Variants in AHCYL2 observed in about 807,000 individuals in gnomAD.
AHCYL2 encodes S-adenosylhomocysteine hydrolase-like protein 2.
AHCYL2 carries 28 observed loss-of-function variants against 81.4 expected under a neutral mutation model. That is an observed-to-expected ratio of 0.34 (90% CI 0.25 to 0.47). The LOEUF (loss-of-function observed/expected upper bound fraction) is 0.47, where lower values mean the gene tolerates loss of function less well. AHCYL2 is among the 20% of genes least tolerant of loss of function. AHCYL2 has a pLI of 1.00. For synonymous variants in AHCYL2, 272 were observed against 290.2 expected (o/e 0.94, Z 0.64); for missense variants, 551 against 785.1 (o/e 0.70, Z 3.56).
chr7:129,403,731 G>A (rs1291737108), intron 7 of AHCYL2, among the ~76,000 whole-genome samples: 2 of 151,634 alleles, frequency 1.3e-5, no homozygotes, highest in African/African-American at 4.8e-5. Context: ...TGGTGTGGTG[G>A]GCGCCTGTGG....
At chr7:129,278,557 A>G (rs1183747102) in intron 1 of AHCYL2, among the ~76,000 whole-genome samples, 1 of 151,964 alleles carries the variant, frequency 6.6e-6, no homozygotes, top group Non-Finnish European at 1.5e-5. Context: ...AAATCTTTGT[A>G]TTTTCATGAA....
intron 1 of AHCYL2, among the ~76,000 whole-genome samples, chr7:129,338,549 T>C (rs549265304): frequency 2.6e-5 from 4 of 152,360 alleles, no homozygotes; most frequent in Admixed American, 2.0e-4. Context: ...GAGTAGCTGT[T>C]TCCTGCAACT....
chr7:129,408,897 T>C (rs1796430551), intron 10 of AHCYL2, among the ~76,000 whole-genome samples: 1 of 152,056 alleles, frequency 6.6e-6, no homozygotes, highest in Admixed American at 6.6e-5. Context: ...TTTAATGTAG[T>C]AGAAGAAATC....
chr7:129,321,766 G>GTTTTTGTTTTTTTTTTTT (rs1315391980), intron 1 of AHCYL2, among the ~76,000 whole-genome samples: 1 of 107,486 alleles, frequency 9.3e-6, no homozygotes, highest in Non-Finnish European at 1.8e-5. Context: ...TTTTTTTTTG[G>GTTTTTGTTTTTTTTTTTT]TCTTGGTTTT....
chr7:129,391,038 TTAAAA>T (rs1273094128), intron 4 of AHCYL2, among the ~76,000 whole-genome samples: 3 of 152,188 alleles, frequency 2.0e-5, no homozygotes, highest in Non-Finnish European at 4.4e-5. Flanking sequence ...AGTACAATAC[TTAAAA>T]TAATGTGTAT....
intron 1 of AHCYL2, among the ~76,000 whole-genome samples, chr7:129,319,646 G>T (rs190846225): frequency 1.6e-4 from 24 of 152,280 alleles, no homozygotes; most frequent in Admixed American, 1.1e-3. Flanking sequence ...TACCACAATA[G>T]ATTTGTTTGC....
chr7:129,225,465 G>T, intron 1 of AHCYL2, 26 bp downstream of exon 1: 1 of 1,483,266 alleles, frequency 6.7e-7, no homozygotes, highest in South Asian at 1.3e-5. Context: ...TGCCTCTCTA[G>T]GAGAGGAAGG....
intron 1 of AHCYL2, among the ~76,000 whole-genome samples, chr7:129,316,415 C>A (rs2402945): frequency 0.24 from 36,875 of 151,960 alleles, 4,548 homozygotes; most frequent in South Asian, 0.37. Context: ...AAGGGCAGGG[C>A]AAATTTATAC....
chr7:129,404,602 G>A (rs574057575), intron 7 of AHCYL2, among the ~76,000 whole-genome samples: 2 of 152,316 alleles, frequency 1.3e-5, no homozygotes, highest in South Asian at 2.1e-4. Flanking sequence ...TTGAACCCTG[G>A]AGGCAGAGGT....
At chr7:129,310,891 CT>C (rs1797632827) in intron 1 of AHCYL2, among the ~76,000 whole-genome samples, 1 of 151,982 alleles carries the variant, frequency 6.6e-6, no homozygotes, top group Non-Finnish European at 1.5e-5. Context: ...GGGCATATCA[CT>C]TTGAGCTCAG....
In AHCYL2 at chr7:129,426,213, C is replaced by G. The variant is rs1335048669; in HGVS notation, c.1709-230C>G. On this transcript the variant is annotated intron_variant, in intron 15 of 16. Coordinates refer to ENST00000325006, the MANE Select transcript of AHCYL2 (RefSeq NM_015328.4). This position sits in a 1 kb window ranked among gnomAD's most constrained non-coding sequence, Gnocchi z 4.3. ...CTGCACTTTTCTGGAAGGCAGGGTT[C>G]AAAGCTGAGTTAGTAAGGATGAATT... is the stretch of plus-strand genomic sequence containing the variant. 1.3e-5 allele frequency among the ~76,000 whole-genome samples: 2 copies of G among 152,182 alleles called. No individual in the cohort carries two copies. Among genetic ancestry groups the G allele is most frequent in the Non-Finnish European group, 2.9e-5 (2 of 68,042 alleles).
At chr7:129,399,704 T>G (rs2150926074) in intron 5 of AHCYL2, among the ~76,000 whole-genome samples, 1 of 151,704 alleles carries the variant, frequency 6.6e-6, no homozygotes, top group Middle Eastern at 3.4e-3. Flanking sequence ...TGTTTCTGGT[T>G]TTTGTTTTCC....
At position 129,368,496 on chromosome 7, in the gene AHCYL2, T is replaced by C. The variant is rs1794211363; in HGVS notation, c.364-11142T>C. 1 of 1,613,898 alleles carries C rather than the reference T, an allele frequency of 6.2e-7. No individual in the cohort carries two copies. Among genetic ancestry groups the C allele is most frequent in the African/African-American group, 1.3e-5 (1 of 74,924 alleles). ...ACATATCTTACCCAAGCCTGCACTA[T>C]GGAGAAGTGGGACGGTAATGAGGGC... On this transcript the variant is annotated intron_variant, in intron 1 of 16. Transcript: ENST00000325006. This position sits in a 1 kb window ranked among gnomAD's most constrained non-coding sequence, Gnocchi z 4.4.
At chr7:129,424,511 T>A (rs759583669) in intron 13 of AHCYL2, among the ~76,000 whole-genome samples, 1 of 152,230 alleles carries the variant, frequency 6.6e-6, no homozygotes, top group Non-Finnish European at 1.5e-5. Context: ...CATTGTTTAT[T>A]TCAAGACAGT....
chr7:129,240,794 A>G (rs995992445), intron 1 of AHCYL2, among the ~76,000 whole-genome samples: 4 of 152,126 alleles, frequency 2.6e-5, no homozygotes, highest in African/African-American at 9.7e-5. Flanking sequence ...CACTGTGCCC[A>G]TGTGGAGGAA....
chr7:129,241,712 T>C (rs983194157), intron 1 of AHCYL2, among the ~76,000 whole-genome samples: 8 of 152,206 alleles, frequency 5.3e-5, no homozygotes, highest in African/African-American at 1.9e-4. Context: ...TTTTTAAAGA[T>C]GTAAAACATT....
At chr7:129,399,141 CA>C (rs71162600) in intron 5 of AHCYL2, among the ~76,000 whole-genome samples, 14,174 of 44,474 alleles carry the variant, frequency 0.32, 673 homozygotes, top group East Asian at 0.49. Context: ...GACTCCATCT[CA>C]AAAAAAAAAA....
chr7:129,335,324 A>G (rs1798562018), intron 1 of AHCYL2, among the ~76,000 whole-genome samples: 1 of 151,934 alleles, frequency 6.6e-6, no homozygotes, highest in Non-Finnish European at 1.5e-5. Flanking sequence ...AGTGAGCTAT[A>G]TGATCACATA....
At chr7:129,361,792 A>ATT (rs144351453) in intron 1 of AHCYL2, among the ~76,000 whole-genome samples, 1 of 146,540 alleles carries the variant, frequency 6.8e-6, no homozygotes, top group African/African-American at 2.5e-5. Flanking sequence ...TGTCTGGCTA[A>ATT]TTTTTTTTTT....
Sources: allele counts gnomAD v4.1 joint callset (sites outside exome capture counted in the v4.1 genomes callset), GRCh38; gene constraint gnomAD v4.1.1; non-coding constraint Gnocchi (gnomAD v3.1); transcripts MANE v1.5; gene names NCBI Gene and HGNC (gene_info 2026-07-23, HGNC 2026-07-21).